Variants in PRTG observed in about 807,000 individuals in gnomAD.
PRTG encodes the protein immunoglobulin superfamily, DCC subclass, member 5.
A neutral mutation model predicts 122.5 loss-of-function variants in PRTG; 67 were observed. The observed-to-expected ratio is 0.55, with a 90% CI of 0.45 to 0.67. The LOEUF (loss-of-function observed/expected upper bound fraction) is 0.67, where lower values mean the gene tolerates loss of function less well. Ranked by LOEUF, PRTG falls within the 30% of genes least tolerant of loss-of-function variation. PRTG has a pLI of 0.00. For missense variants in PRTG, 1,435 were observed against 1,415.4 expected (o/e 1.01, Z -0.22); for synonymous variants, 554 against 501.1 (o/e 1.11, Z -1.41).
rs2059140020 is a variant in PRTG at position 55,615,934 on chromosome 15, C to CG, written c.*4077_*4078insC. 6.6e-6 allele frequency: 1 copy of CG among 152,102 alleles called. No homozygotes were observed. The highest frequency in any genetic ancestry group is 1.5e-5 in the Non-Finnish European group (1 of 67,994). 9.4% of individuals were successfully genotyped at this position (152,102 alleles called of 1,614,324 possible). On this transcript the variant is annotated 3_prime_UTR_variant, in exon 20 of 20. Transcript: ENST00000389286. ...AACTTGAACAATGATCCTGGGTTGT[C>CG]AACCACGAGCACATTTCTGGCAGAA...
chr15:55,643,066 C>A (rs2059301333), intron 11 of PRTG, among the ~76,000 whole-genome samples: 1 of 151,556 alleles, frequency 6.6e-6, no homozygotes, highest in Admixed American at 6.6e-5. Flanking sequence ...GAACAATGCC[C>A]CATCTCTCAA....
intron 15 of PRTG, among the ~76,000 whole-genome samples, chr15:55,634,982 G>A (rs879240858): frequency 3.9e-5 from 6 of 152,160 alleles, no homozygotes; most frequent in Middle Eastern, 3.2e-3. Flanking sequence ...AGACATTAGC[G>A]AATGTGAAGC....
rs2059271181 is a variant in PRTG, at chr15:55,638,599, T to A, written c.2402A>T (p.Gln801Leu). 1 of 1,613,630 alleles carries A rather than the reference T, an allele frequency of 6.2e-7. No homozygotes were observed. The highest frequency in any genetic ancestry group is 8.5e-7 in the Non-Finnish European group (1 of 1,179,592). The change falls in exon 14 of 20, where the codon CAG (glutamine) becomes CTG (leucine). Residue 801 changes from glutamine (Q) to leucine (L), a missense_variant. By Grantham distance (113) the Gln-to-Leu change is moderately radical. Transcript: ENST00000389286. ...YEFAVRLHVDQLSSPWSPVVY... is the reference protein window; with the variant it reads ...YEFAVRLHVDLLSSPWSPVVY... ...TACAGGGCTCCAAGGACTGGAAAGCTGATCCACATGTAATCGAACGGCAAA... is the reference window on the plus strand; with the variant it reads ...TACAGGGCTCCAAGGACTGGAAAGCAGATCCACATGTAATCGAACGGCAAA...
Position 55,742,851 on chromosome 15 carries a change from GAGCAGC to G in PRTG, c.75_80del (p.Leu26_Leu27del), listed in dbSNP as rs1237585125. On this transcript the variant is annotated inframe_deletion, in exon 1 of 20. Coordinates refer to ENST00000389286, the MANE Select transcript of PRTG (RefSeq NM_173814.6). ...AAGCGCGCCCACCTGGCAAAGGACT[GAGCAGC>G]AGCAGGAGCAGGAGCGCGCGGAGCA... 10 of 1,540,470 alleles carry G rather than the reference GAGCAGC, an allele frequency of 6.5e-6. No homozygotes were observed. Among genetic ancestry groups the G allele is most frequent in the African/African-American group, 1.4e-5 (1 of 71,176 alleles).
intron 2 of PRTG, among the ~76,000 whole-genome samples, chr15:55,707,650 A>G (rs2030185925): frequency 6.6e-6 from 1 of 152,234 alleles, no homozygotes; most frequent in African/African-American, 2.4e-5. Flanking sequence ...AGTTTATAGG[A>G]GCAGGGCAAA....
At chr15:55,651,094 A>C (rs901930718) in intron 11 of PRTG, among the ~76,000 whole-genome samples, 10 of 152,306 alleles carry the variant, frequency 6.6e-5, no homozygotes, top group African/African-American at 2.4e-4. Context: ...CTATTTTGTA[A>C]AACAGGGGCC....
chr15:55,659,357 C>T (rs916679808), intron 11 of PRTG, among the ~76,000 whole-genome samples: 5 of 152,160 alleles, frequency 3.3e-5, no homozygotes, highest in Non-Finnish European at 1.5e-5. Flanking sequence ...ATCATTCTAT[C>T]GCTTTAGTTT....
intron 11 of PRTG, among the ~76,000 whole-genome samples, chr15:55,668,216 T>C (rs2059449221): frequency 1.3e-5 from 2 of 152,230 alleles, no homozygotes; most frequent in African/African-American, 2.4e-5. Flanking sequence ...TCAAGCTCTT[T>C]GGCAAAATAA....
In PRTG at chr15:55,614,833, A is replaced by T. The variant is rs1385651371; in HGVS notation, c.*5179T>A. 3 of 152,102 alleles carry T rather than the reference A, an allele frequency of 2.0e-5. No homozygotes were observed. The highest frequency in any genetic ancestry group is 1.3e-4 in the Admixed American group (2 of 15,254). 9.4% of individuals were successfully genotyped at this position (152,102 alleles called of 1,614,324 possible). A position where few individuals can be genotyped will look rare whatever the true frequency, so the allele number is the denominator to read the frequency against. On this transcript the variant is annotated 3_prime_UTR_variant, in exon 20 of 20. Coordinates refer to ENST00000389286, the MANE Select transcript of PRTG (RefSeq NM_173814.6). The stretch of plus-strand genomic sequence containing the variant: ...TTCCAATCTCTTTAATGCTACAGAC[A>T]TTTTACAGGGATCAGAATTCCACAG...
intron 16 of PRTG, among the ~76,000 whole-genome samples, chr15:55,627,493 T>G (rs1421099522): frequency 8.7e-5 from 2 of 22,994 alleles, no homozygotes; most frequent in Non-Finnish European, 1.3e-4. Flanking sequence ...CCCAGCTAAG[T>G]TTTTTTTTTT....
At chr15:55,735,995 A>G (rs889031482) in intron 2 of PRTG, among the ~76,000 whole-genome samples, 5 of 152,246 alleles carry the variant, frequency 3.3e-5, no homozygotes, top group African/African-American at 1.2e-4. Flanking sequence ...TAAGTTAAAC[A>G]TAACTTCTGA....
chr15:55,686,496 C>A (rs1000693153), intron 2 of PRTG, among the ~76,000 whole-genome samples: 3 of 152,132 alleles, frequency 2.0e-5, no homozygotes, highest in African/African-American at 7.2e-5. Context: ...GTATTCAATT[C>A]AAGATGTTTT....
At chr15:55,631,127 AAG>A (rs1032868235) in intron 15 of PRTG, among the ~76,000 whole-genome samples, 40 of 152,290 alleles carry the variant, frequency 2.6e-4, no homozygotes, top group African/African-American at 9.6e-4. Flanking sequence ...GCTTGGCCTG[AAG>A]AGAGTGTGAG....
chr15:55,617,980 C>G lies in PRTG; in HGVS notation c.*2032G>C, dbSNP rs1056825024. 2 of 152,122 alleles carry G rather than the reference C, an allele frequency of 1.3e-5. No individual in the cohort carries two copies. The allele number at this position is 152,122 out of a possible 1,614,324, so 9.4% of individuals were successfully genotyped here. A position where few individuals can be genotyped will look rare whatever the true frequency, so the allele number is the denominator to read the frequency against. On this transcript the variant is annotated 3_prime_UTR_variant, in exon 20 of 20. Transcript: ENST00000389286. ...CAGCTCAAAAGTAACAAAACGTTCC[C>G]TGAGTACAGGAAAAAAAATAACACT...
chr15:55,626,998 G>A lies in PRTG; in HGVS notation c.2927+10C>T, dbSNP rs775127259. The A allele has an allele frequency of 6.3e-7, 1 of 1,592,456 alleles. No individual in the cohort carries two copies. The highest frequency in any genetic ancestry group is 1.8e-5 in the Admixed American group (1 of 55,226). The stretch of plus-strand genomic sequence containing the variant: ...TTTTCACCTCAACATCTCTAGCAAT[G>A]GAAACACACCTGGCTTTACTTCGGT... On this transcript the variant is annotated intron_variant, in intron 17 of 19. Coordinates refer to ENST00000389286, the MANE Select transcript of PRTG (RefSeq NM_173814.6).
intron 2 of PRTG, among the ~76,000 whole-genome samples, chr15:55,737,732 C>CT (rs1277051514): frequency 6.6e-6 from 1 of 151,908 alleles, no homozygotes; most frequent in African/African-American, 2.4e-5. Flanking sequence ...CTTCTAGTTC[C>CT]TAAGTTTAGA....
intron 18 of PRTG, among the ~76,000 whole-genome samples, chr15:55,621,516 G>A (rs1021044527): frequency 6.6e-6 from 1 of 151,882 alleles, no homozygotes; most frequent in Non-Finnish European, 1.5e-5. Context: ...AAAATTAGCT[G>A]GGCATGGTAG....
At chr15:55,646,862 A>T (rs1017797701) in intron 11 of PRTG, among the ~76,000 whole-genome samples, 10 of 152,154 alleles carry the variant, frequency 6.6e-5, no homozygotes, top group Non-Finnish European at 1.2e-4. Context: ...CCTTTGGCCC[A>T]AAAATGAACA....
At chr15:55,662,740 G>A (rs1429056653) in intron 11 of PRTG, among the ~76,000 whole-genome samples, 6 of 152,146 alleles carry the variant, frequency 3.9e-5, no homozygotes, top group Non-Finnish European at 8.8e-5. Context: ...AAATTTCAAT[G>A]AGATTTGCTG....
Sources: gnomAD v4.1 joint callset for allele counts (sites outside exome capture counted in the v4.1 genomes callset) on GRCh38, gnomAD v4.1.1 for gene constraint, MANE v1.5 for transcripts, NCBI Gene and HGNC (gene_info 2026-07-23, HGNC 2026-07-21) for gene names.